The following CD72 variants were observed in gnomAD, a reference collection of about 807,000 sequenced individuals.
CD72 encodes B-cell differentiation antigen CD72.
In CD72, 28 loss-of-function variants were observed where a neutral mutation model predicts 50.7. That is an observed-to-expected ratio of 0.55 (90% CI 0.41 to 0.76). The LOEUF (loss-of-function observed/expected upper bound fraction) is 0.76. Among genes scored for constraint, CD72 ranks in the 30% least tolerant of loss-of-function variants. CD72 has a pLI of 0.00. For synonymous variants in CD72, 176 were observed against 171.2 expected, an observed-to-expected ratio of 1.03 and a Z score of -0.22; for missense variants, 403 against 420.6, an observed-to-expected ratio of 0.96 and a Z score of 0.37.
intron 3 of CD72, 74 bp from the exon 4 acceptor site, chr9:35,616,763 G>T (rs1823070973): frequency 7.7e-7 from 1 of 1,301,674 alleles, no homozygotes; most frequent in African/African-American, 1.5e-5. Context: ...ACAGGTCCGT[G>T]GGGGAGACCC....
chr9:35,626,470 C>A (rs989751113), intron 1 of CD72, among the ~76,000 whole-genome samples: 1 of 152,194 alleles, frequency 6.6e-6, no homozygotes, highest in Non-Finnish European at 1.5e-5. Context: ...TTAGAATATT[C>A]TATAAACTTA....
At chr9:35,638,425 C>G (rs1823310838) in intron 1 of CD72, among the ~76,000 whole-genome samples, 1 of 152,168 alleles carries the variant, frequency 6.6e-6, no homozygotes, top group Non-Finnish European at 1.5e-5. Flanking sequence ...CCTCCTCACA[C>G]CCAGTCTGGC....
At chr9:35,641,647 T>G (rs1398550399) in intron 1 of CD72, among the ~76,000 whole-genome samples, 1 of 152,222 alleles carries the variant, frequency 6.6e-6, no homozygotes, top group African/African-American at 2.4e-5. Flanking sequence ...TTCTGAGTAC[T>G]GGGGCTTGGT....
upstream of CD72, chr9:35,618,823 C>A: frequency 7.9e-7 from 1 of 1,263,002 alleles, no homozygotes; most frequent in South Asian, 1.3e-5. Context: ...CCTCGCTTCT[C>A]ATCATCCTGG....
intron 5 of CD72, among the ~76,000 whole-genome samples, chr9:35,613,990 T>C (rs1449443142): frequency 3.3e-5 from 5 of 151,404 alleles, no homozygotes; most frequent in African/African-American, 1.2e-4. Flanking sequence ...GGGAGTGCAC[T>C]TCAGTCTCAC....
intron 1 of CD72, among the ~76,000 whole-genome samples, chr9:35,635,839 C>T (rs1190507765): frequency 3.9e-5 from 6 of 152,168 alleles, no homozygotes; most frequent in Non-Finnish European, 8.8e-5. Context: ...GAGGAGCCCA[C>T]TTAAAGTTTG....
chr9:35,643,900 T>C (rs994295113), intron 1 of CD72, among the ~76,000 whole-genome samples: 1 of 151,574 alleles, frequency 6.6e-6, no homozygotes, highest in Non-Finnish European at 1.5e-5. Flanking sequence ...GCAGGAGAAT[T>C]GCTTAAATCT....
intron 1 of CD72, among the ~76,000 whole-genome samples, chr9:35,635,894 C>G (rs1479708217): frequency 2.0e-5 from 3 of 152,108 alleles, no homozygotes; most frequent in Non-Finnish European, 4.4e-5. Flanking sequence ...AATGGAGAAC[C>G]TCACTAGAGT....
intron 1 of CD72, among the ~76,000 whole-genome samples, chr9:35,644,901 C>CAAA (rs527855881): frequency 2.8e-5 from 3 of 106,992 alleles, no homozygotes; most frequent in Non-Finnish European, 3.8e-5. Context: ...TGACTGAAGC[C>CAAA]AAAAAAAAAA....
chr9:35,643,260 C>T (rs547885923), intron 1 of CD72: 1 of 152,666 alleles, frequency 6.6e-6, no homozygotes, highest in Non-Finnish European at 1.5e-5. Context: ...GCTCCTGGAG[C>T]TCAAACCCAA....
rs1426147097 is a variant in CD72, at chr9:35,611,054, A to T, written c.951-301T>A. On this transcript the variant is annotated intron_variant, in intron 7 of 8. Coordinates refer to ENST00000259633, the MANE Select transcript of CD72 (RefSeq NM_001782.3). The stretch of plus-strand genomic sequence containing the variant: ...ATCACAAGGTCAGGACATCGAGACC[A>T]TCCTGACTAACACGGTGAAACCCCG... Among the ~76,000 whole-genome samples the T allele has an allele frequency of 2.6e-5, 4 of 152,196 alleles. No homozygotes were observed. The East Asian group carries it at 7.7e-4, about 29-fold the overall frequency.
upstream of CD72, among the ~76,000 whole-genome samples, chr9:35,624,183 G>T (rs1823172920): frequency 6.7e-6 from 1 of 150,210 alleles, no homozygotes; most frequent in Admixed American, 6.7e-5. Context: ...CTGCACTCCA[G>T]CCTGGGCGAC....
intron 1 of CD72, among the ~76,000 whole-genome samples, chr9:35,628,933 G>A (rs998891355): frequency 3.9e-5 from 6 of 152,088 alleles, no homozygotes; most frequent in African/African-American, 1.4e-4. Flanking sequence ...GGAGTGCAGT[G>A]GCATGATCAC....
At chr9:35,623,133 A>T (rs979739277), upstream of CD72, among the ~76,000 whole-genome samples, 21 of 152,230 alleles carry the variant, frequency 1.4e-4, no homozygotes, top group African/African-American at 5.1e-4. Context: ...AATTAAAATA[A>T]AAAAAAGATA....
chr9:35,616,918 G>A (rs1176732447), intron 3 of CD72: 1 of 1,344,866 alleles, frequency 7.4e-7, no homozygotes, highest in African/African-American at 1.5e-5. Context: ...CGTTACCTGG[G>A]AGAAGGGGAA....
At chr9:35,645,605 A>AT (rs1274470209) in intron 1 of CD72, among the ~76,000 whole-genome samples, 1 of 151,896 alleles carries the variant, frequency 6.6e-6, no homozygotes, top group Non-Finnish European at 1.5e-5. Flanking sequence ...AAACAAAAAA[A>AT]AACTTGGTCT....
At chr9:35,612,255 C>T (rs762035453) in intron 6 of CD72, among the ~76,000 whole-genome samples, 1 of 152,142 alleles carries the variant, frequency 6.6e-6, no homozygotes, top group Non-Finnish European at 1.5e-5. Context: ...TGTCAAGCAG[C>T]CCAGGGAGCT....
At position 35,618,364 on chromosome 9, in the gene CD72, T is replaced by C; in HGVS notation, c.-61A>G. The C allele has an allele frequency of 6.2e-7, 1 of 1,608,076 alleles. No homozygotes were observed. The highest frequency in any genetic ancestry group is 1.7e-5 in the Admixed American group (1 of 59,146). On this transcript the variant is annotated 5_prime_UTR_variant, in exon 1 of 9. Coordinates refer to ENST00000259633, the MANE Select transcript of CD72 (RefSeq NM_001782.3). ...GTCATCCACTGTCCTCCCTTGCCCC[T>C]CTCGTCTCTGTCCGTTTACAACTAG...
At chr9:35,632,887 C>T (rs1359301010) in intron 1 of CD72, among the ~76,000 whole-genome samples, 1 of 147,740 alleles carries the variant, frequency 6.8e-6, no homozygotes, top group African/African-American at 2.5e-5. Context: ...CTTATTAGCT[C>T]TTTTAAAAGA....
Sources: gnomAD v4.1 joint callset for allele counts (sites outside exome capture counted in the v4.1 genomes callset) on GRCh38, gnomAD v4.1.1 for gene constraint, MANE v1.5 for transcripts, NCBI Gene and HGNC (gene_info 2026-07-23, HGNC 2026-07-21) for gene names.